COMMD2: variants seen among roughly 807,000 people sequenced by gnomAD.
The protein encoded by COMMD2 is COMM domain-containing protein 2.
In COMMD2, 25 loss-of-function variants were observed where a neutral mutation model predicts 22.5. The ratio of observed to expected loss-of-function variants is 1.11; its 90% confidence interval spans 0.81 to 1.55. The LOEUF (loss-of-function observed/expected upper bound fraction) is 1.55, where lower values mean the gene tolerates loss of function less well. Ranked by LOEUF, COMMD2 falls within the 40% of genes most tolerant of loss-of-function variation. COMMD2 has a pLI of 0.00. For missense variants in COMMD2, 223 were observed against 232.9 expected (o/e 0.96, Z 0.28); for synonymous variants, 98 against 91.2 (o/e 1.07, Z -0.42).
Position 149,743,874 on chromosome 3 carries a change from C to T in COMMD2, c.403-2156G>A, listed in dbSNP as rs373351167. 2.4e-4 allele frequency among the ~76,000 whole-genome samples: 37 copies of T among 152,280 alleles called. 4 individuals carry two copies. The East Asian group carries it at 2.5e-3, about 10-fold the overall frequency. ...TGAGTGTATTTGCTGTGTAATTAAG[C>T]CATGACTTTTTTGTTGAAAGACTTA... On this transcript the variant is annotated intron_variant, in intron 4 of 4. Coordinates refer to ENST00000473414, the MANE Select transcript of COMMD2 (RefSeq NM_016094.4).
intron 3 of COMMD2, 65 bp downstream of exon 3, chr3:149,751,338 T>G (rs779214946): frequency 6.2e-7 from 1 of 1,611,320 alleles, no homozygotes; most frequent in Non-Finnish European, 8.5e-7. Context: ...AGGACTATGA[T>G]GTAGAGTACA....
intron 4 of COMMD2, among the ~76,000 whole-genome samples, chr3:149,746,056 C>T (rs551603707): frequency 1.3e-5 from 2 of 152,316 alleles, no homozygotes; most frequent in Admixed American, 6.5e-5. Flanking sequence ...AAGTGTTAGG[C>T]CCACATCCTC....
chr3:149,742,838 C>T (rs1015271120), intron 4 of COMMD2, among the ~76,000 whole-genome samples: 5 of 151,862 alleles, frequency 3.3e-5, no homozygotes, highest in South Asian at 2.1e-4. Context: ...TGGTGGCACG[C>T]GCCTGTAGTC....
In COMMD2 at chr3:149,740,262, C is replaced by T. The variant is rs370824093; in HGVS notation, c.*1259G>A. 1.3e-5 allele frequency: 2 copies of T among 152,118 alleles called. No homozygotes were observed. Among genetic ancestry groups the T allele is most frequent in the African/African-American group, 4.8e-5 (2 of 41,420 alleles). The allele number at this position is 152,118 out of a possible 1,614,324, so 9.4% of individuals were successfully genotyped here. ...TTTTTCAGACCAAAAGCTTTTGGTT[C>T]CCTACTAAAAAATAAAACAAAACAT... On this transcript the variant is annotated 3_prime_UTR_variant, in exon 5 of 5. Transcript: ENST00000473414.
rs73155055 is a variant in COMMD2 at position 149,741,430 on chromosome 3, A to G, written c.*91T>C. The G allele has an allele frequency of 4.0e-6, 4 of 991,278 alleles. No individual in the cohort carries two copies. The highest frequency in any genetic ancestry group is 6.3e-6 in the Non-Finnish European group (4 of 639,496). The allele number at this position is 991,278 out of a possible 1,614,324, so 61.4% of individuals were successfully genotyped here. A position where few individuals can be genotyped will look rare whatever the true frequency, so the allele number is the denominator to read the frequency against. Reference sequence around the variant, plus strand: ...TGAGGAATACTATGTATTTATCATCATGAATTAATAAAAAATTAATTTTGA... The same window carrying G: ...TGAGGAATACTATGTATTTATCATCGTGAATTAATAAAAAATTAATTTTGA... On this transcript the variant is annotated 3_prime_UTR_variant, in exon 5 of 5. Coordinates refer to ENST00000473414, the MANE Select transcript of COMMD2 (RefSeq NM_016094.4).
In COMMD2 at chr3:149,741,714, G is replaced by A; in HGVS notation, c.407C>T (p.Ala136Val). 6.2e-7 allele frequency: 1 copy of A among 1,612,036 alleles called. No homozygotes were observed. The highest frequency in any genetic ancestry group is 1.3e-5 in the African/African-American group (1 of 74,920). ...NLEWRLDVQL[A>V]SRSLRQQIKP... is the part of the protein sequence containing the mutation. ...AATCTGTTGCCTGAGACTTCTACTT[G>A]CAAGCTTGATTTTAAATGAAATAAG... The change falls in exon 5 of 5, where the codon GCA (alanine) becomes GTA (valine). Residue 136 changes from alanine to valine, a missense_variant. Transcript: ENST00000473414.
At chr3:149,746,142 T>G (rs1423543412) in intron 4 of COMMD2, among the ~76,000 whole-genome samples, 1 of 152,214 alleles carries the variant, frequency 6.6e-6, no homozygotes, top group Non-Finnish European at 1.5e-5. Context: ...ATTAATGCCA[T>G]GAGGGAGCAT....
intron 2 of COMMD2, chr3:149,751,829 CACTT>C: frequency 8.7e-6 from 2 of 231,120 alleles, no homozygotes; most frequent in Non-Finnish European, 1.5e-5. Context: ...GGTAAAACAA[CACTT>C]TTTTTTTTTT....
intron 4 of COMMD2, among the ~76,000 whole-genome samples, chr3:149,745,829 C>G (rs372559479): frequency 2.4e-4 from 37 of 152,288 alleles, no homozygotes; most frequent in South Asian, 1.7e-3. Context: ...AAATCCTAAG[C>G]CTTTTGTCTT....
At chr3:149,742,392 C>CG (rs1716258028) in intron 4 of COMMD2, among the ~76,000 whole-genome samples, 1 of 152,096 alleles carries the variant, frequency 6.6e-6, no homozygotes, top group Non-Finnish European at 1.5e-5. Flanking sequence ...GCAACTCCAC[C>CG]ACTAGGCATA....
rs1254121926 is a variant in COMMD2 at position 149,739,168 on chromosome 3, A to T, written c.*2353T>A. ...AAATTTAGATAGTTATAGAAGGTGC[A>T]TTACTCAGAGTCAAGAAACCTGGGT... On this transcript the variant is annotated 3_prime_UTR_variant, in exon 5 of 5. Transcript: ENST00000473414. 1 of 152,222 alleles carries T rather than the reference A, an allele frequency of 6.6e-6. No homozygotes were observed. Among genetic ancestry groups the T allele is most frequent in the Admixed American group, 6.5e-5 (1 of 15,280 alleles). 9.4% of individuals were successfully genotyped at this position (152,222 alleles called of 1,614,324 possible).
chr3:149,740,821 A>C lies in COMMD2; in HGVS notation c.*700T>G, dbSNP rs1190855603. 1 of 152,574 alleles carries C rather than the reference A, an allele frequency of 6.6e-6. No individual in the cohort carries two copies. Among genetic ancestry groups the C allele is most frequent in the African/African-American group, 2.4e-5 (1 of 41,464 alleles). 9.5% of individuals were successfully genotyped at this position (152,574 alleles called of 1,614,324 possible). On this transcript the variant is annotated 3_prime_UTR_variant, in exon 5 of 5. Transcript: ENST00000473414. ...AATAATAAAATTAAGCAGTCAAAAG[A>C]AGTAGCAAAAACAAGATAGTCATTC... is the stretch of plus-strand genomic sequence containing the variant.
chr3:149,745,139 C>T (rs1716334625), intron 4 of COMMD2, among the ~76,000 whole-genome samples: 1 of 152,154 alleles, frequency 6.6e-6, no homozygotes, highest in South Asian at 2.1e-4. Context: ...CCCACATCTC[C>T]ACCGGGTTAT....
Position 149,750,928 on chromosome 3 carries a change from T to C in COMMD2, c.229-77A>G, listed in dbSNP as rs1036671868. ...AATAATTGAAATACACAAAAGAATA[T>C]GATATCCTCTAATTTATTCTGTCTA... On this transcript the variant is annotated intron_variant, in intron 3 of 4. Transcript: ENST00000473414. 1.5e-5 allele frequency: 14 copies of C among 923,894 alleles called. No homozygotes were observed. The African/African-American group carries it at 2.0e-4, about 13-fold the overall frequency. The allele number at this position is 923,894 out of a possible 1,614,324, so 57.2% of individuals were successfully genotyped here.
intron 3 of COMMD2, 81 bp downstream of exon 3, chr3:149,751,322 C>T (rs997819719): frequency 1.1e-5 from 17 of 1,591,684 alleles, no homozygotes; most frequent in Non-Finnish European, 1.5e-5. Flanking sequence ...CACACAGGTA[C>T]CTGCCAGGAC....
At position 149,739,946 on chromosome 3, in the gene COMMD2, A is replaced by G. The variant is rs1716167074; in HGVS notation, c.*1575T>C. The G allele has an allele frequency of 2.0e-5, 3 of 152,198 alleles. No individual in the cohort carries two copies. The highest frequency in any genetic ancestry group is 2.0e-4 in the Admixed American group (3 of 15,272). 9.4% of individuals were successfully genotyped at this position (152,198 alleles called of 1,614,324 possible). A position where few individuals can be genotyped will look rare whatever the true frequency, so the allele number is the denominator to read the frequency against. On this transcript the variant is annotated 3_prime_UTR_variant, in exon 5 of 5. Transcript: ENST00000473414. ...AAGTATGTTTTTCTTCCACTAGCCT[A>G]TTCCCTGCTAGGCTCTCTCTTCTCT...
At chr3:149,745,025 A>G (rs16862210) in intron 4 of COMMD2, among the ~76,000 whole-genome samples, 3,051 of 152,278 alleles carry the variant, frequency 0.02, 108 homozygotes, top group East Asian at 0.13. Context: ...CAAAAAAAGA[A>G]CTGTTAAAGC....
intron 4 of COMMD2, chr3:149,750,452 C>T (rs892102876): frequency 1.9e-6 from 1 of 536,096 alleles, no homozygotes; most frequent in Non-Finnish European, 3.4e-6. Context: ...TAACCATCTC[C>T]TTTTCGAAAA....
intron 4 of COMMD2, among the ~76,000 whole-genome samples, chr3:149,744,951 C>T (rs1716326964): frequency 6.6e-6 from 1 of 152,180 alleles, no homozygotes; most frequent in African/African-American, 2.4e-5. Flanking sequence ...GAAAATTCAA[C>T]TTCTTAATTT....
Sources: allele counts gnomAD v4.1 joint callset (sites outside exome capture counted in the v4.1 genomes callset), GRCh38; gene constraint gnomAD v4.1.1; transcripts MANE v1.5; gene names NCBI Gene and HGNC (gene_info 2026-07-23, HGNC 2026-07-21).